Variants in PTPRG observed in about 807,000 individuals in gnomAD.
The protein encoded by PTPRG is receptor-type tyrosine-protein phosphatase gamma.
Under a neutral mutation model 165.3 loss-of-function variants are expected in PTPRG, and 102 were observed. That is an observed-to-expected ratio of 0.62 (90% CI 0.53 to 0.73). The LOEUF (loss-of-function observed/expected upper bound fraction) is 0.73, where lower values mean the gene tolerates loss of function less well. Ranked by LOEUF, PTPRG falls within the 30% of genes least tolerant of loss-of-function variation. The pLI is 0.00. For missense variants in PTPRG, 1,866 were observed against 1,861.4 expected, an observed-to-expected ratio of 1.00 and a Z score of -0.05; for synonymous variants, 675 against 669.5, an observed-to-expected ratio of 1.01 and a Z score of -0.13.
At chr3:62,272,920 C>A in intron 21 of PTPRG, 26 bp from the exon 22 acceptor site, 1 of 1,552,084 alleles carries the variant, frequency 6.4e-7, no homozygotes, top group Non-Finnish European at 8.7e-7. Flanking sequence ...ACAAAAGTGC[C>A]AGTTGAGTGT....
intron 5 of PTPRG, among the ~76,000 whole-genome samples, chr3:62,110,563 C>T (rs549034513): frequency 6.6e-6 from 1 of 150,938 alleles, no homozygotes. Context: ...AGGAATGATA[C>T]GCTCTACCTT....
At chr3:61,573,786 T>C (rs566365913) in intron 1 of PTPRG, among the ~76,000 whole-genome samples, 1 of 152,332 alleles carries the variant, frequency 6.6e-6, no homozygotes, top group Non-Finnish European at 1.5e-5. Flanking sequence ...TTTCAAGATA[T>C]CTCATGTTTG....
At position 62,219,778 on chromosome 3, in the gene PTPRG, C is replaced by A. The variant is rs557883279; in HGVS notation, c.2288+795C>A. 1.3e-5 allele frequency among the ~76,000 whole-genome samples: 2 copies of A among 152,364 alleles called. No individual in the cohort carries two copies. Among genetic ancestry groups the A allele is most frequent in the South Asian group, 2.1e-4 (1 of 4,822 alleles). ...TCAATTTTGAGCCCACACTTTGTGC[C>A]AGTCTTCTAGACACAAATGATTTCT... On this transcript the variant is annotated intron_variant, in intron 13 of 29. Transcript: ENST00000474889. The surrounding 1 kb of genome is among the most constrained non-coding windows in gnomAD (Gnocchi z 4.5).
intron 2 of PTPRG, among the ~76,000 whole-genome samples, chr3:61,789,292 G>C (rs948912246): frequency 1.3e-5 from 2 of 152,042 alleles, no homozygotes; most frequent in Admixed American, 6.6e-5. Context: ...TGTAGAGACG[G>C]GGTCTCCCTG....
At chr3:62,243,768 A>C in intron 14 of PTPRG, 39 bp from the exon 15 acceptor site, 11 of 1,209,180 alleles carry the variant, frequency 9.1e-6, no homozygotes, top group Admixed American at 2.0e-5. Context: ...CAAATAAAGT[A>C]TATTCTATTA....
At chr3:61,660,165 T>C (rs1013998936) in intron 1 of PTPRG, among the ~76,000 whole-genome samples, 2 of 152,080 alleles carry the variant, frequency 1.3e-5, no homozygotes, top group African/African-American at 2.4e-5. Flanking sequence ...GTAGAGGTTG[T>C]AGTGAGGTCA....
intron 4 of PTPRG, among the ~76,000 whole-genome samples, chr3:62,059,768 AT>A (rs1237921905): frequency 1.3e-5 from 2 of 152,172 alleles, no homozygotes; most frequent in Non-Finnish European, 2.9e-5. Flanking sequence ...TAGTGGAATT[AT>A]GGGGGCCGTT....
intron 2 of PTPRG, among the ~76,000 whole-genome samples, chr3:61,895,560 CAT>C (rs1268747886): frequency 6.6e-6 from 1 of 152,190 alleles, no homozygotes; most frequent in Non-Finnish European, 1.5e-5. Flanking sequence ...CAATTATCCA[CAT>C]GTCTTAAGAC....
intron 9 of PTPRG, 82 bp from the exon 10 acceptor site, chr3:62,194,980 G>A (rs1337352710): frequency 1.7e-5 from 22 of 1,312,118 alleles, no homozygotes; most frequent in African/African-American, 2.9e-5. Flanking sequence ...GCATTGTCAC[G>A]GCACTCAGGT....
At chr3:61,921,913 CAT>C (rs2039086944) in intron 2 of PTPRG, among the ~76,000 whole-genome samples, 1 of 152,160 alleles carries the variant, frequency 6.6e-6, no homozygotes, top group Non-Finnish European at 1.5e-5. Flanking sequence ...AACATTTGTA[CAT>C]GTCACCTTAC....
chr3:61,708,522 C>T (rs971094420), intron 1 of PTPRG, among the ~76,000 whole-genome samples: 5 of 134,008 alleles, frequency 3.7e-5, no homozygotes, highest in Non-Finnish European at 6.1e-5. Context: ...AGTGCAGTGG[C>T]GCAATCTGGG....
intron 20 of PTPRG, among the ~76,000 whole-genome samples, 170 bp downstream of exon 20, chr3:62,269,339 T>C (rs1479305735): frequency 6.6e-6 from 1 of 152,170 alleles, no homozygotes; most frequent in Non-Finnish European, 1.5e-5. Context: ...TGAAAGGTAT[T>C]GGCAAAGCAT....
chr3:62,178,263 A>T (rs1351732978), intron 8 of PTPRG, among the ~76,000 whole-genome samples: 1 of 151,966 alleles, frequency 6.6e-6, no homozygotes, highest in African/African-American at 2.4e-5. Flanking sequence ...GTATGGGAGG[A>T]TGGAGGGATG....
At position 61,807,701 on chromosome 3, in the gene PTPRG, C is replaced by A. The variant is rs138433444; in HGVS notation, c.190+58719C>A. ...TTGATAACAGAATCATAAATGTGTTCATGTAAGGGTATGTGTGTGTACGTA... is the reference window on the plus strand; with the variant it reads ...TTGATAACAGAATCATAAATGTGTTAATGTAAGGGTATGTGTGTGTACGTA... On this transcript the variant is annotated intron_variant, in intron 2 of 29. Coordinates refer to ENST00000474889, the MANE Select transcript of PTPRG (RefSeq NM_002841.4). 9.7e-4 allele frequency among the ~76,000 whole-genome samples: 147 copies of A among 152,238 alleles called. 1 individual carries two copies. The highest frequency in any genetic ancestry group is 3.3e-3 in the African/African-American group (139 of 41,530).
chr3:61,773,121 G>A (rs893545581), intron 2 of PTPRG, among the ~76,000 whole-genome samples: 4 of 152,156 alleles, frequency 2.6e-5, no homozygotes, highest in African/African-American at 7.2e-5. Flanking sequence ...GTGTGTTATC[G>A]GCTGGTGTAG....
At chr3:61,622,100 T>A (rs1701475123) in intron 1 of PTPRG, among the ~76,000 whole-genome samples, 1 of 152,234 alleles carries the variant, frequency 6.6e-6, no homozygotes, top group Non-Finnish European at 1.5e-5. Flanking sequence ...GGTGTTCTTT[T>A]ACTTTCCTTT....
intron 2 of PTPRG, among the ~76,000 whole-genome samples, chr3:61,920,790 A>G (rs777003593): frequency 5.3e-5 from 8 of 152,338 alleles, no homozygotes; most frequent in Non-Finnish European, 1.0e-4. Flanking sequence ...ACATATTTTC[A>G]TATTTTAGCA....
At chr3:61,749,551 T>G (rs960876608) in intron 2 of PTPRG, 2 of 163,600 alleles carry the variant, frequency 1.2e-5, no homozygotes, top group Non-Finnish European at 2.7e-5. Flanking sequence ...TCTAACTATG[T>G]TGAATGTTAC....
intron 1 of PTPRG, among the ~76,000 whole-genome samples, chr3:61,728,828 C>T (rs1332020059): frequency 7.0e-6 from 1 of 143,326 alleles, no homozygotes; most frequent in East Asian, 2.0e-4. Flanking sequence ...CTTGAGCCCA[C>T]GAGTTCGAGC....
Sources: gnomAD v4.1 joint callset for allele counts (sites outside exome capture counted in the v4.1 genomes callset) on GRCh38, gnomAD v4.1.1 for gene constraint, Gnocchi (gnomAD v3.1) non-coding constraint, MANE v1.5 for transcripts, NCBI Gene and HGNC (gene_info 2026-07-23, HGNC 2026-07-21) for gene names.